The following CNRIP1 variants were observed in gnomAD, a reference collection of about 807,000 sequenced individuals.
The protein encoded by CNRIP1 is CB1 cannabinoid receptor-interacting protein 1.
CNRIP1 carries 10 observed loss-of-function variants against 15.2 expected under a neutral mutation model. The observed-to-expected ratio is 0.66, with a 90% CI of 0.41 to 1.12. CNRIP1 has a LOEUF of 1.12. CNRIP1 is among the 50% of genes most tolerant of loss of function. CNRIP1 has a pLI of 0.00. For missense variants in CNRIP1, 211 were observed against 214.7 expected (o/e 0.98, Z 0.11); for synonymous variants, 91 against 83.2 (o/e 1.09, Z -0.51).
downstream of CNRIP1, among the ~76,000 whole-genome samples, chr2:68,292,656 G>A (rs1671204986): frequency 6.6e-6 from 1 of 152,152 alleles, no homozygotes; most frequent in African/African-American, 2.4e-5. Context: ...CTGGAAGTAG[G>A]CAAGGAGGCC....
At chr2:68,312,126 G>C (rs1256462732) in intron 2 of CNRIP1, among the ~76,000 whole-genome samples, 1 of 151,912 alleles carries the variant, frequency 6.6e-6, no homozygotes, top group African/African-American at 2.4e-5. Flanking sequence ...ATTTTATGTA[G>C]CCAGCATTAC....
intron 2 of CNRIP1, among the ~76,000 whole-genome samples, chr2:68,314,739 G>A (rs1672209056): frequency 6.6e-6 from 1 of 152,066 alleles, no homozygotes; most frequent in South Asian, 2.1e-4. Flanking sequence ...AGGGAGTATA[G>A]GAGGAGATAA....
Position 68,293,050 on chromosome 2 carries a change from T to G in CNRIP1, c.*812A>C. ...TTATTAAGAAATATCAAAAGTTGAT[T>G]ACAGGTCCATATGCAGTTTTACAAA... On this transcript the variant is annotated 3_prime_UTR_variant, in exon 3 of 3. Coordinates refer to ENST00000263655, the MANE Select transcript of CNRIP1 (RefSeq NM_015463.3). 1.0e-6 allele frequency: 1 copy of G among 985,436 alleles called. No homozygotes were observed. The highest frequency in any genetic ancestry group is 1.7e-5 in the African/African-American group (1 of 57,370). The allele number at this position is 985,436 out of a possible 1,614,324, so 61.0% of individuals were successfully genotyped here. A position where few individuals can be genotyped will look rare whatever the true frequency, so the allele number is the denominator to read the frequency against.
chr2:68,289,354 A>G (rs1671106391), downstream of CNRIP1, among the ~76,000 whole-genome samples: 1 of 152,200 alleles, frequency 6.6e-6, no homozygotes, highest in Non-Finnish European at 1.5e-5. Flanking sequence ...AATAGAGTAT[A>G]ACGTTTGGCC....
Position 68,319,484 on chromosome 2 carries a change from G to T in CNRIP1, c.-84C>A. The T allele has an allele frequency of 1.5e-6, 2 of 1,358,452 alleles. No individual in the cohort carries two copies. The highest frequency in any genetic ancestry group is 9.7e-7 in the Non-Finnish European group (1 of 1,034,140). 84.1% of individuals were successfully genotyped at this position (1,358,452 alleles called of 1,614,324 possible). ...CCGAGTGGCTGGAGCGCGAGGGGCGGAGAGGAAGCGCGGGGAGGGTGAGGG... is the reference window on the plus strand; with the variant it reads ...CCGAGTGGCTGGAGCGCGAGGGGCGTAGAGGAAGCGCGGGGAGGGTGAGGG... On this transcript the variant is annotated 5_prime_UTR_variant, in exon 1 of 3. Transcript: ENST00000263655.
chr2:68,315,568 A>G (rs1672240347), intron 2 of CNRIP1, among the ~76,000 whole-genome samples: 1 of 149,672 alleles, frequency 6.7e-6, no homozygotes, highest in Non-Finnish European at 1.5e-5. Flanking sequence ...TTCATAAAAT[A>G]CAATACCCAT....
intron 1 of CNRIP1, 123 bp downstream of exon 1, chr2:68,319,099 C>G (rs894239528): frequency 1.6e-5 from 17 of 1,030,852 alleles, no homozygotes; most frequent in Admixed American, 3.3e-5. Context: ...CCTCCAACCC[C>G]CGGGCCCGCT....
At chr2:68,300,288 A>C (rs1260344942) in intron 2 of CNRIP1, among the ~76,000 whole-genome samples, 2 of 152,206 alleles carry the variant, frequency 1.3e-5, no homozygotes, top group Non-Finnish European at 2.9e-5. Flanking sequence ...TTTCAATTTT[A>C]GCCAGTCTGG....
At chr2:68,313,923 C>A (rs1672183083) in intron 2 of CNRIP1, among the ~76,000 whole-genome samples, 1 of 152,102 alleles carries the variant, frequency 6.6e-6, no homozygotes, top group African/African-American at 2.4e-5. Context: ...CTATGCCCAC[C>A]ATGTTGGGCT....
In CNRIP1 at chr2:68,293,760, G is replaced by T; in HGVS notation, c.*102C>A. 2.0e-6 allele frequency: 3 copies of T among 1,516,570 alleles called. No homozygotes were observed. Among genetic ancestry groups the T allele is most frequent in the Non-Finnish European group, 2.7e-6 (3 of 1,130,390 alleles). 93.9% of individuals were successfully genotyped at this position (1,516,570 alleles called of 1,614,324 possible). A position where few individuals can be genotyped will look rare whatever the true frequency, so the allele number is the denominator to read the frequency against. On this transcript the variant is annotated 3_prime_UTR_variant, in exon 3 of 3. Coordinates refer to ENST00000263655, the MANE Select transcript of CNRIP1 (RefSeq NM_015463.3). ...GCTAGTAGGTCATTAGTACCAGATGGGGAACAGCAATGGTGTGGCATGCCT... is the reference window on the plus strand; with the variant it reads ...GCTAGTAGGTCATTAGTACCAGATGTGGAACAGCAATGGTGTGGCATGCCT...
intron 2 of CNRIP1, among the ~76,000 whole-genome samples, chr2:68,311,799 A>AG (rs1456150115): frequency 1.3e-5 from 2 of 151,192 alleles, no homozygotes; most frequent in African/African-American, 4.9e-5. Context: ...AAAAAAAAAA[A>AG]AAAGAAAAGG....
chr2:68,292,187 G>A (rs536581261), downstream of CNRIP1, among the ~76,000 whole-genome samples: 2 of 152,002 alleles, frequency 1.3e-5, no homozygotes, highest in African/African-American at 4.8e-5. Flanking sequence ...TTAGGAATGG[G>A]TTAGTACTTA....
chr2:68,291,841 T>TGCAC (rs948380346), downstream of CNRIP1, among the ~76,000 whole-genome samples: 1 of 137,194 alleles, frequency 7.3e-6, no homozygotes, highest in African/African-American at 2.8e-5. Context: ...ATCATGCCAC[T>TGCAC]GCACTCCAGT....
chr2:68,293,916 G>A lies in CNRIP1; in HGVS notation c.441C>T (p.Cys147=). The change falls in exon 3 of 3, where the codon TGC becomes TGT. Residue 147 remains cysteine (C), a synonymous_variant. Transcript: ENST00000263655. ...TCAGACTGCGTGTCTCGTTGGGCTT[G>A]CATTCATACTCAATGACAGAGAAGG... ...GSPFSVIEYE[C]KPNETRSLMW... is the part of the protein sequence containing the mutation. 1 of 1,614,090 alleles carries A rather than the reference G, an allele frequency of 6.2e-7. No homozygotes were observed. Among genetic ancestry groups the A allele is most frequent in the Non-Finnish European group, 8.5e-7 (1 of 1,179,992 alleles).
chr2:68,304,966 C>T (rs1008531506), intron 2 of CNRIP1, among the ~76,000 whole-genome samples: 7 of 152,024 alleles, frequency 4.6e-5, no homozygotes, highest in African/African-American at 9.7e-5. Flanking sequence ...GACACTGGGC[C>T]GGGTGCAGCA....
Position 68,317,279 on chromosome 2 carries a change from G to A in CNRIP1, c.208C>T (p.Pro70Ser). 6.2e-7 allele frequency: 1 copy of A among 1,614,036 alleles called. No individual in the cohort carries two copies. Residue 70 changes from proline to serine, a missense_variant, in exon 2 of 3, where the codon CCA becomes TCA. By Grantham distance (74) the Pro-to-Ser change is moderately conservative. Coordinates refer to ENST00000263655, the MANE Select transcript of CNRIP1 (RefSeq NM_015463.3). ...ENISIGGVLV[P>S]LELKSKEPDG... ...GGCTCTTTAGACTTCAGTTCCAGTG[G>A]GACAAGCACACCACCAATGGAAATA...
chr2:68,291,119 A>G (rs552540664), downstream of CNRIP1, among the ~76,000 whole-genome samples: 60 of 152,328 alleles, frequency 3.9e-4, no homozygotes, highest in African/African-American at 1.4e-3. Flanking sequence ...CTGGAGCCCA[A>G]TCATAAGTAG....
intron 2 of CNRIP1, among the ~76,000 whole-genome samples, chr2:68,301,658 G>C (rs1490254634): frequency 6.6e-6 from 1 of 151,986 alleles, no homozygotes; most frequent in African/African-American, 2.4e-5. Flanking sequence ...TTGGGAGGCC[G>C]AGGCGGGTGG....
rs183166865 is a variant in CNRIP1, at chr2:68,305,110, G to A, written c.331-11084C>T. On this transcript the variant is annotated intron_variant, in intron 2 of 2. Transcript: ENST00000263655. ...AAATACAAAATTAGCCGGGCATGGT[G>A]GCACATGCCTGCAATCCCAGCTACT... Among the ~76,000 whole-genome samples the A allele has an allele frequency of 7.1e-3, 1,085 of 152,002 alleles. 16 individuals are homozygous for A. Among genetic ancestry groups the A allele is most frequent in the African/African-American group, 0.025 (1,048 of 41,464 alleles).
Sources: allele counts gnomAD v4.1 joint callset (sites outside exome capture counted in the v4.1 genomes callset), GRCh38; gene constraint gnomAD v4.1.1; transcripts MANE v1.5; gene names NCBI Gene and HGNC (gene_info 2026-07-23, HGNC 2026-07-21).